TWSG1: variants seen among roughly 807,000 people sequenced by gnomAD.
TWSG1 encodes twisted gastrulation BMP signaling modulator 1, also known as twisted gastrulation protein homolog 1.
A neutral mutation model predicts 23.0 loss-of-function variants in TWSG1; 15 were observed. The ratio of observed to expected loss-of-function variants is 0.65; its 90% confidence interval spans 0.44 to 1.00. The LOEUF (loss-of-function observed/expected upper bound fraction) is 1.00. Ranked by LOEUF, TWSG1 falls within the 50% of genes least tolerant of loss-of-function variation. TWSG1 has a pLI of 0.00. For synonymous variants in TWSG1, 86 were observed against 92.8 expected (o/e 0.93, Z 0.42); for missense variants, 242 against 278.7 (o/e 0.87, Z 0.94).
intron 3 of TWSG1, among the ~76,000 whole-genome samples, chr18:9,377,255 G>T (rs1434875403): frequency 6.6e-6 from 1 of 151,070 alleles, no homozygotes; most frequent in African/African-American, 2.4e-5. Flanking sequence ...GTCTTGCTCT[G>T]TTGCCCAGGC....
At chr18:9,344,490 C>CGTGTGTGTGTGTGTGTGTGTGTGTGT (rs1491456878) in intron 2 of TWSG1, among the ~76,000 whole-genome samples, 2 of 113,016 alleles carry the variant, frequency 1.8e-5, no homozygotes, top group African/African-American at 3.5e-5. Flanking sequence ...TTAGTGAATG[C>CGTGTGTGTGTGTGTGTGTGTGTGTGT]ATGTGTGTGT....
At chr18:9,355,936 T>C (rs2040525117) in intron 2 of TWSG1, among the ~76,000 whole-genome samples, 2 of 152,220 alleles carry the variant, frequency 1.3e-5, no homozygotes, top group Admixed American at 6.5e-5. Context: ...CATTTCTTAA[T>C]TTATGGTGAT....
At chr18:9,364,394 G>A (rs546953556) in intron 3 of TWSG1, among the ~76,000 whole-genome samples, 3 of 152,106 alleles carry the variant, frequency 2.0e-5, no homozygotes, top group East Asian at 1.9e-4. Context: ...CATGAGTTCC[G>A]ACGGTGAAAG....
chr18:9,393,223 A>G (rs754122147), intron 3 of TWSG1, among the ~76,000 whole-genome samples: 3 of 152,264 alleles, frequency 2.0e-5, no homozygotes, highest in Admixed American at 6.5e-5. Flanking sequence ...ATACAGCGCA[A>G]TAAAATAAGG....
intron 2 of TWSG1, among the ~76,000 whole-genome samples, chr18:9,344,685 T>C (rs1239921410): frequency 1.3e-5 from 2 of 151,942 alleles, no homozygotes; most frequent in East Asian, 3.9e-4. Flanking sequence ...TGCACCACCA[T>C]GTCTGGTTAG....
intron 3 of TWSG1, among the ~76,000 whole-genome samples, chr18:9,360,636 G>T (rs2040548015): frequency 6.6e-6 from 1 of 152,106 alleles, no homozygotes; most frequent in African/African-American, 2.4e-5. Flanking sequence ...GCTTCTGAGA[G>T]ATCATTTATT....
chr18:9,374,888 T>C (rs961200613), intron 3 of TWSG1, among the ~76,000 whole-genome samples: 2 of 152,016 alleles, frequency 1.3e-5, no homozygotes, highest in African/African-American at 4.8e-5. Flanking sequence ...GTGGGCTGGG[T>C]GTGGTGCGGT....
intron 3 of TWSG1, among the ~76,000 whole-genome samples, chr18:9,391,052 C>A (rs2040710022): frequency 6.6e-6 from 1 of 152,094 alleles, no homozygotes; most frequent in African/African-American, 2.4e-5. Flanking sequence ...ATCCTGAAAC[C>A]CTGCACTGCT....
intron 3 of TWSG1, among the ~76,000 whole-genome samples, 179 bp downstream of exon 3, chr18:9,360,250 C>G (rs904853938): frequency 6.6e-6 from 1 of 152,144 alleles, no homozygotes. Flanking sequence ...TTTACCTATA[C>G]ATGTATTTAA....
At chr18:9,355,405 C>T (rs1180961393) in intron 2 of TWSG1, among the ~76,000 whole-genome samples, 1 of 152,142 alleles carries the variant, frequency 6.6e-6, no homozygotes, top group African/African-American at 2.4e-5. Context: ...GTTCAAAGCA[C>T]TTTACAAATG....
At chr18:9,359,214 C>T (rs942575704) in intron 2 of TWSG1, among the ~76,000 whole-genome samples, 1 of 152,038 alleles carries the variant, frequency 6.6e-6, no homozygotes, top group African/African-American at 2.4e-5. Flanking sequence ...GCTGGCTGAT[C>T]TAGGATGGCC....
intron 2 of TWSG1, among the ~76,000 whole-genome samples, chr18:9,356,786 A>C (rs1346885377): frequency 6.6e-6 from 1 of 152,154 alleles, no homozygotes; most frequent in Non-Finnish European, 1.5e-5. Flanking sequence ...GGTATAATGC[A>C]AATATTACAA....
chr18:9,366,888 C>G (rs1273237016), intron 3 of TWSG1, among the ~76,000 whole-genome samples: 1 of 152,138 alleles, frequency 6.6e-6, no homozygotes, highest in Non-Finnish European at 1.5e-5. Context: ...AGCTAATTAA[C>G]ATACATTACC....
At position 9,401,814 on chromosome 18, in the gene TWSG1, T is replaced by A. The variant is rs1226655538; in HGVS notation, c.*2287T>A. The A allele has an allele frequency of 6.6e-6, 1 of 152,172 alleles. No homozygotes were observed. Among genetic ancestry groups the A allele is most frequent in the East Asian group, 1.9e-4 (1 of 5,208 alleles). The allele number at this position is 152,172 out of a possible 1,614,324, so 9.4% of individuals were successfully genotyped here. ...CATTCTAAGCACATTCACTTCTATA[T>A]TGAAGTTTTGGTAAAAATTCTTTTT... On this transcript the variant is annotated 3_prime_UTR_variant, in exon 5 of 5. Transcript: ENST00000262120.
intron 2 of TWSG1, among the ~76,000 whole-genome samples, chr18:9,352,806 G>A (rs972465838): frequency 3.9e-5 from 6 of 152,102 alleles, no homozygotes; most frequent in Non-Finnish European, 7.4e-5. Context: ...AAATTTGGGA[G>A]TTCATACAAT....
At chr18:9,335,156 C>A (rs1055139435) in intron 1 of TWSG1, among the ~76,000 whole-genome samples, 3 of 152,110 alleles carry the variant, frequency 2.0e-5, no homozygotes, top group Admixed American at 2.0e-4. Flanking sequence ...CATCTCTGGG[C>A]CGGCCCGCGT....
chr18:9,347,576 TTTTA>T (rs2040483336), intron 2 of TWSG1, among the ~76,000 whole-genome samples: 1 of 152,206 alleles, frequency 6.6e-6, no homozygotes, highest in Admixed American at 6.5e-5. Context: ...TTTATCAGTA[TTTTA>T]TTCTTTTTGA....
intron 2 of TWSG1, among the ~76,000 whole-genome samples, chr18:9,348,243 T>C (rs535981557): frequency 1.3e-5 from 2 of 152,350 alleles, no homozygotes; most frequent in African/African-American, 4.8e-5. Flanking sequence ...GAGTAGATGG[T>C]CAGTAGATGC....
At chr18:9,367,610 C>T (rs2040586074) in intron 3 of TWSG1, among the ~76,000 whole-genome samples, 2 of 152,194 alleles carry the variant, frequency 1.3e-5, no homozygotes, top group Non-Finnish European at 2.9e-5. Context: ...GCGTCACCGC[C>T]TGAGCTCCGT....
Sources: allele counts gnomAD v4.1 joint callset (sites outside exome capture counted in the v4.1 genomes callset), GRCh38; gene constraint gnomAD v4.1.1; transcripts MANE v1.5; gene names NCBI Gene and HGNC (gene_info 2026-07-23, HGNC 2026-07-21).